The following WASL variants were observed in gnomAD, a reference collection of about 807,000 sequenced individuals.
WASL encodes WASP like actin nucleation promoting factor, also known as actin nucleation-promoting factor WASL.
In WASL, 20 loss-of-function variants were observed where a neutral mutation model predicts 55.5. The observed-to-expected ratio is 0.36, with a 90% CI of 0.25 to 0.52. WASL has a LOEUF of 0.52. Ranked by LOEUF, WASL falls within the 20% of genes least tolerant of loss-of-function variation. The probability of loss-of-function intolerance (pLI) is 0.92; values close to 1 mark genes in which losing one functional copy is unlikely to be tolerated. For synonymous variants in WASL, 249 were observed against 217.6 expected (o/e 1.14, Z -1.27); for missense variants, 504 against 622.5 (o/e 0.81, Z 2.03).
intron 8 of WASL, among the ~76,000 whole-genome samples, chr7:123,693,536 G>A (rs1803446578): frequency 6.6e-6 from 1 of 152,320 alleles, no homozygotes; most frequent in East Asian, 1.9e-4. Flanking sequence ...CCAGAGACAT[G>A]AACTGGTTAT....
chr7:123,747,669 A>G (rs1048164737), intron 1 of WASL, among the ~76,000 whole-genome samples: 1 of 152,220 alleles, frequency 6.6e-6, no homozygotes, highest in Non-Finnish European at 1.5e-5. Context: ...AAAGGGATCC[A>G]GCCAGTATTT....
At position 123,706,841 on chromosome 7, in the gene WASL, A is replaced by G. The variant is rs1444049184; in HGVS notation, c.253-15T>C. On this transcript the variant is annotated splice_polypyrimidine_tract_variant and intron_variant, in intron 2 of 10. Coordinates refer to ENST00000223023, the MANE Select transcript of WASL (RefSeq NM_003941.4). ...AGTTTCCCATCCTAGAAAAAAGTTA[A>G]AAATTAAAATAAGAACTACCAAAAC... 1.3e-6 allele frequency: 2 copies of G among 1,489,118 alleles called. No individual in the cohort carries two copies. The highest frequency in any genetic ancestry group is 1.8e-6 in the Non-Finnish European group (2 of 1,102,056). 92.2% of individuals were successfully genotyped at this position (1,489,118 alleles called of 1,614,324 possible). A position where few individuals can be genotyped will look rare whatever the true frequency, so the allele number is the denominator to read the frequency against.
rs182201918 is a variant in WASL at position 123,682,397 on chromosome 7, T to C, written c.*2122A>G. The C allele has an allele frequency of 6.6e-6, 1 of 152,154 alleles. No homozygotes were observed. The highest frequency in any genetic ancestry group is 1.5e-5 in the Non-Finnish European group (1 of 68,014). 9.4% of individuals were successfully genotyped at this position (152,154 alleles called of 1,614,324 possible). A position where few individuals can be genotyped will look rare whatever the true frequency, so the allele number is the denominator to read the frequency against. On this transcript the variant is annotated 3_prime_UTR_variant, in exon 11 of 11. Transcript: ENST00000223023. Reference sequence around the variant, plus strand: ...AGACTTTTTGTAACAACAACCAATGTCTTTTTCTTCTTTAAGAAAAAAAGA... The same window carrying C: ...AGACTTTTTGTAACAACAACCAATGCCTTTTTCTTCTTTAAGAAAAAAAGA...
chr7:123,693,438 A>T (rs772648293), intron 8 of WASL, among the ~76,000 whole-genome samples: 1 of 152,240 alleles, frequency 6.6e-6, no homozygotes, highest in Non-Finnish European at 1.5e-5. Flanking sequence ...TTTATAGCAT[A>T]ATGTCTGTAT....
At chr7:123,727,353 T>TCTCACA (rs1554406247) in intron 1 of WASL, among the ~76,000 whole-genome samples, 33 of 147,818 alleles carry the variant, frequency 2.2e-4, no homozygotes, top group East Asian at 1.6e-3. Flanking sequence ...AAAATATGTG[T>TCTCACA]CACACACACA....
intron 5 of WASL, among the ~76,000 whole-genome samples, chr7:123,699,687 GTC>G (rs1803547371): frequency 6.6e-6 from 1 of 152,122 alleles, no homozygotes; most frequent in South Asian, 2.1e-4. Context: ...TAATTCAGCT[GTC>G]TCTGAGGAAG....
chr7:123,686,624 A>C (rs1443375825), intron 10 of WASL, among the ~76,000 whole-genome samples: 1 of 152,198 alleles, frequency 6.6e-6, no homozygotes, highest in African/African-American at 2.4e-5. Context: ...ACTCACAGAT[A>C]CCAGCATAGA....
chr7:123,694,583 C>G (rs1384310448), intron 8 of WASL, 132 bp downstream of exon 8: 1 of 812,874 alleles, frequency 1.2e-6, no homozygotes, highest in East Asian at 2.9e-5. Flanking sequence ...TGTGATGGGC[C>G]ACATTAGTTG....
intron 3 of WASL, 120 bp downstream of exon 3, chr7:123,706,620 G>A: frequency 1.2e-6 from 1 of 869,352 alleles, no homozygotes; most frequent in Non-Finnish European, 1.8e-6. Flanking sequence ...TTCATCTTCA[G>A]CAAAAAAATA....
At chr7:123,714,892 G>A (rs1391139895) in intron 1 of WASL, among the ~76,000 whole-genome samples, 4 of 152,234 alleles carry the variant, frequency 2.6e-5, no homozygotes, top group East Asian at 3.9e-4. Flanking sequence ...TGAACAAAGC[G>A]CTGGTGAGGA....
At chr7:123,716,699 G>T (rs1403451094) in intron 1 of WASL, among the ~76,000 whole-genome samples, 1 of 152,034 alleles carries the variant, frequency 6.6e-6, no homozygotes, top group Non-Finnish European at 1.5e-5. Context: ...GGGAGAGAAA[G>T]AGAGATTTTT....
At chr7:123,709,041 T>C (rs763396345) in intron 2 of WASL, 48 bp downstream of exon 2, 8 of 1,516,114 alleles carry the variant, frequency 5.3e-6, no homozygotes, top group African/African-American at 1.4e-5. Context: ...ATAATTGATA[T>C]AGAAAACCTA....
chr7:123,689,335 CA>C (rs1347286273), intron 9 of WASL, among the ~76,000 whole-genome samples, 185 bp from the exon 10 acceptor site: 1 of 152,158 alleles, frequency 6.6e-6, no homozygotes, highest in Non-Finnish European at 1.5e-5. Flanking sequence ...AGATATTATT[CA>C]AAAATATTTC....
At chr7:123,700,510 G>A (rs1054580549) in intron 5 of WASL, among the ~76,000 whole-genome samples, 2 of 151,518 alleles carry the variant, frequency 1.3e-5, no homozygotes, top group Non-Finnish European at 2.9e-5. Flanking sequence ...GCGCCATCTC[G>A]GCTCACTGCA....
At chr7:123,700,031 C>T (rs1009159634) in intron 5 of WASL, among the ~76,000 whole-genome samples, 1 of 151,490 alleles carries the variant, frequency 6.6e-6, no homozygotes, top group African/African-American at 2.4e-5. Context: ...AAAAAATTAT[C>T]CGGGCATGGT....
chr7:123,695,014 TA>T (rs1194082230), intron 7 of WASL, 146 bp from the exon 8 acceptor site: 18 of 795,594 alleles, frequency 2.3e-5, no homozygotes, highest in African/African-American at 3.6e-5. Context: ...AATATTTTAT[TA>T]AAAAAAACTG....
rs186232490 is a variant in WASL at position 123,737,323 on chromosome 7, C to T, written c.117+11295G>A. Among the ~76,000 whole-genome samples, 17 of 152,220 alleles carry T rather than the reference C, an allele frequency of 1.1e-4. No homozygotes were observed. The East Asian group carries it at 1.9e-3, about 17-fold the overall frequency. ...TTATAAAAGCAGCATTTCAGACAGG[C>T]GCGGTGGCTCACGCCTGTAATCCCA... On this transcript the variant is annotated intron_variant, in intron 1 of 10. Transcript: ENST00000223023.
At chr7:123,689,561 C>A (rs1310401679) in intron 9 of WASL, among the ~76,000 whole-genome samples, 1 of 152,138 alleles carries the variant, frequency 6.6e-6, no homozygotes, top group African/African-American at 2.4e-5. Flanking sequence ...GGGACGCACA[C>A]TGAAGATATT....
chr7:123,699,052 T>A (rs539088829), intron 5 of WASL, among the ~76,000 whole-genome samples: 51 of 152,276 alleles, frequency 3.3e-4, no homozygotes, highest in African/African-American at 1.1e-3. Flanking sequence ...TATATCTTAA[T>A]AAAATGTAAG....
Sources: allele counts gnomAD v4.1 joint callset (sites outside exome capture counted in the v4.1 genomes callset), GRCh38; gene constraint gnomAD v4.1.1; transcripts MANE v1.5; gene names NCBI Gene and HGNC (gene_info 2026-07-23, HGNC 2026-07-21).